The following ZNF678 variants were observed in gnomAD, a reference collection of about 807,000 sequenced individuals.
ZNF678 encodes the protein hypothetical protein MGC42493.
ZNF678 carries 5 observed loss-of-function variants against 3.0 expected under a neutral mutation model. That is an observed-to-expected ratio of 1.69 (90% CI 0.88 to 3.56). The LOEUF (loss-of-function observed/expected upper bound fraction) is 3.56, where lower values mean the gene tolerates loss of function less well. Ranked by LOEUF, ZNF678 falls within the 30% of genes most tolerant of loss-of-function variation. The pLI is 0.00. For synonymous variants in ZNF678, 218 were observed against 199.6 expected, an observed-to-expected ratio of 1.09 and a Z score of -0.78; for missense variants, 593 against 605.0, an observed-to-expected ratio of 0.98 and a Z score of 0.21.
chr1:227,669,824 A>G (rs1019371536), intron 5 of ZNF678, among the ~76,000 whole-genome samples: 2 of 152,208 alleles, frequency 1.3e-5, no homozygotes, highest in Non-Finnish European at 2.9e-5. Context: ...CAGAGTTACC[A>G]TTTGACCCAG....
chr1:227,675,173 G>A (rs570791271), intron 5 of ZNF678, among the ~76,000 whole-genome samples: 1 of 152,176 alleles, frequency 6.6e-6, no homozygotes, highest in South Asian at 2.1e-4. Flanking sequence ...TTGAGGGTAG[G>A]GCCAACATGA....
Position 227,655,511 on chromosome 1 carries a change from A to G in ZNF678, c.1261A>G (p.Thr421Ala). Residue 421 changes from threonine to alanine, a missense_variant, in exon 4 of 4, where the codon ACT becomes GCT. Coordinates refer to ENST00000343776, the MANE Select transcript of ZNF678 (RefSeq NM_001367909.1). Reference sequence around the variant, plus strand: ...AGTTTTTAAACAGTGCTCTCACCTAACTAGCCATAAGAGAATTCATACTGG... The same window carrying G: ...AGTTTTTAAACAGTGCTCTCACCTAGCTAGCCATAAGAGAATTCATACTGG... ...GKVFKQCSHLTSHKRIHTGEK... is the reference protein window; with the variant it reads ...GKVFKQCSHLASHKRIHTGEK... 3 of 1,612,444 alleles carry G rather than the reference A, an allele frequency of 1.9e-6. No homozygotes were observed. Among genetic ancestry groups the G allele is most frequent in the African/African-American group, 2.7e-5 (2 of 74,986 alleles).
rs1659213495 is a variant in ZNF678 at position 227,655,408 on chromosome 1, T to C, written c.1158T>C (p.Phe386=). ...AATGCAAAGAATGTGGCAAAGCGTTTAACAAGTTCTCAAGCCTTACTCAAC... is the reference window on the plus strand; with the variant it reads ...AATGCAAAGAATGTGGCAAAGCGTTCAACAAGTTCTCAAGCCTTACTCAAC... ...PYKCKECGKA[F]NKFSSLTQHR... is the part of the protein sequence containing the mutation. Residue 386 remains phenylalanine, a synonymous_variant, in exon 4 of 4, where the codon TTT becomes TTC. Transcript: ENST00000343776. 5 of 1,612,564 alleles carry C rather than the reference T, an allele frequency of 3.1e-6. No individual in the cohort carries two copies. The highest frequency in any genetic ancestry group is 1.6e-4 in the Middle Eastern group (1 of 6,072).
In ZNF678 at chr1:227,614,730, G is replaced by C. The variant is rs533116993; in HGVS notation, c.-163-31814G>C. Among the ~76,000 whole-genome samples the C allele has an allele frequency of 2.6e-5, 4 of 152,274 alleles. No homozygotes were observed. In the South Asian group the frequency reaches 8.3e-4, roughly 32 times the overall value. ...GGTGCTGCCTCATACACATGACTGT[G>C]TGCCTTATTTCCCTGGTGGTTGCTT... On this transcript the variant is annotated intron_variant, in intron 1 of 3. Transcript: ENST00000343776.
chr1:227,633,879 A>G (rs769283743), intron 1 of ZNF678, among the ~76,000 whole-genome samples: 4 of 152,182 alleles, frequency 2.6e-5, no homozygotes, highest in Non-Finnish European at 4.4e-5. Flanking sequence ...GCCCACTGAT[A>G]CATGAGCTAG....
rs149888195 is a variant in ZNF678, at chr1:227,669,804, G to T, written c.227-7375G>T. Among the ~76,000 whole-genome samples, 701 of 152,250 alleles carry T rather than the reference G, an allele frequency of 4.6e-3. 19 individuals carry two copies. In the South Asian group the frequency reaches 0.056, roughly 12 times the overall value. ...GAAAGCAGTTTGGAGATTTCTCAAA[G>T]AACTTAAAACAGAGTTACCATTTGA... On this transcript the variant is annotated intron_variant, in intron 5 of 5. Coordinates refer to the ZNF678 transcript ENST00000608949.
chr1:227,651,457 G>T (rs1457998340), intron 3 of ZNF678, among the ~76,000 whole-genome samples: 1 of 152,152 alleles, frequency 6.6e-6, no homozygotes, highest in Non-Finnish European at 1.5e-5. Context: ...AAATGTCAAG[G>T]TCTGCAGTTC....
chr1:227,589,123 G>A (rs1039224198), intron 1 of ZNF678, among the ~76,000 whole-genome samples: 3 of 147,572 alleles, frequency 2.0e-5, no homozygotes, highest in Non-Finnish European at 4.5e-5. Context: ...TTCTTTTGCC[G>A]TGCAGAAGCT....
downstream of ZNF678, chr1:227,662,521 C>T (rs1011286449): frequency 6.6e-6 from 1 of 152,144 alleles, no homozygotes; most frequent in Non-Finnish European, 1.5e-5. Context: ...CAGTTTCTCA[C>T]CTGGCAAAGA....
rs1205342373 is a variant in ZNF678, at chr1:227,643,881, T to C, written c.-163-2663T>C. ...TTCTTTTCTTTTTTTTTTTTTTTTT[T>C]GAGATGGAGTCTCGCTCTGTCACCC... On this transcript the variant is annotated intron_variant, in intron 1 of 3. Transcript: ENST00000343776. 2.7e-3 allele frequency among the ~76,000 whole-genome samples: 362 copies of C among 134,844 alleles called. 2 individuals are homozygous for C. Among genetic ancestry groups the C allele is most frequent in the African/African-American group, 9.9e-3 (350 of 35,454 alleles). 88.5% of individuals were successfully genotyped at this position (134,844 alleles called of 152,430 possible). A position where few individuals can be genotyped will look rare whatever the true frequency, so the allele number is the denominator to read the frequency against.
At chr1:227,641,963 C>T (rs1169489724) in intron 1 of ZNF678, among the ~76,000 whole-genome samples, 1 of 152,192 alleles carries the variant, frequency 6.6e-6, no homozygotes, top group Non-Finnish European at 1.5e-5. Flanking sequence ...TGTCACATTC[C>T]TGCCCCTCAA....
At chr1:227,648,756 G>T (rs1278966650) in intron 2 of ZNF678, among the ~76,000 whole-genome samples, 6 of 152,004 alleles carry the variant, frequency 3.9e-5, no homozygotes, top group Admixed American at 3.9e-4. Flanking sequence ...GGAAGTGGAG[G>T]CTGCAGCAAG....
chr1:227,655,690 A>G lies in ZNF678; in HGVS notation c.1440A>G (p.Lys480=). 1 of 1,612,426 alleles carries G rather than the reference A, an allele frequency of 6.2e-7. No individual in the cohort carries two copies. Among genetic ancestry groups the G allele is most frequent in the Non-Finnish European group, 8.5e-7 (1 of 1,179,056 alleles). ...AGTTCTCAAGCCTTACTCGTCATAA[A>G]AGAATTCATACTGGAGAGAAACGCT... ...FNQFSSLTRH[K]RIHTGEKRYK... is the part of the protein sequence containing the mutation. The change falls in exon 4 of 4, where the codon AAA becomes AAG. Residue 480 remains lysine (K), a synonymous_variant. Transcript: ENST00000343776.
chr1:227,646,733 C>A, intron 2 of ZNF678, 63 bp downstream of exon 2: 1 of 1,303,218 alleles, frequency 7.7e-7, no homozygotes, highest in Non-Finnish European at 1.0e-6. Context: ...TTTTTCACTC[C>A]TGAAATGTTA....
At chr1:227,621,187 A>T (rs772057521) in intron 1 of ZNF678, among the ~76,000 whole-genome samples, 2 of 152,216 alleles carry the variant, frequency 1.3e-5, no homozygotes, top group Non-Finnish European at 2.9e-5. Flanking sequence ...TCGAGGTTGC[A>T]GTCAGCTGTG....
chr1:227,678,186 C>T (rs138496660), downstream of ZNF678, among the ~76,000 whole-genome samples: 927 of 152,250 alleles, frequency 6.1e-3, 5 homozygotes, highest in Non-Finnish European at 0.01. Flanking sequence ...GGGATATAAA[C>T]GCCTGGGTCG....
intron 1 of ZNF678, among the ~76,000 whole-genome samples, chr1:227,593,149 A>G (rs1657461024): frequency 6.6e-6 from 1 of 152,234 alleles, no homozygotes; most frequent in Admixed American, 6.5e-5. Flanking sequence ...AATCCTGGAA[A>G]AGAGCTACCA....
rs576408805 is a variant in ZNF678, at chr1:227,635,300, C to A, written c.-163-11244C>A. On this transcript the variant is annotated intron_variant, in intron 1 of 3. Coordinates refer to ENST00000343776, the MANE Select transcript of ZNF678 (RefSeq NM_001367909.1). ...ACCTGGAAATCATTGTTTTGATATA[C>A]CAATAGCAAAAGGTAGAGCATCCTA... is the stretch of plus-strand genomic sequence containing the variant. 1.2e-4 allele frequency among the ~76,000 whole-genome samples: 18 copies of A among 152,162 alleles called. No homozygotes were observed. In the South Asian group the frequency reaches 3.3e-3, roughly 28 times the overall value.
At chr1:227,578,734 T>C (rs1657047818) in intron 1 of ZNF678, among the ~76,000 whole-genome samples, 1 of 152,208 alleles carries the variant, frequency 6.6e-6, no homozygotes, top group African/African-American at 2.4e-5. Flanking sequence ...CTGAATCCTA[T>C]TTCTGTCATT....
Sources: allele counts gnomAD v4.1 joint callset (sites outside exome capture counted in the v4.1 genomes callset), GRCh38; gene constraint gnomAD v4.1.1; transcripts MANE v1.5; gene names NCBI Gene and HGNC (gene_info 2026-07-23, HGNC 2026-07-21).